ZNF517: variants seen among roughly 807,000 people sequenced by gnomAD.
ZNF517 encodes zinc finger protein 517.
A neutral mutation model predicts 12.1 loss-of-function variants in ZNF517; 12 were observed. The observed-to-expected ratio is 0.99, with a 90% CI of 0.63 to 1.61. The LOEUF (loss-of-function observed/expected upper bound fraction) is 1.61. ZNF517 is among the 40% of genes most tolerant of loss of function. ZNF517 has a pLI of 0.00. For missense variants in ZNF517, 781 were observed against 693.2 expected, an observed-to-expected ratio of 1.13 and a Z score of -1.42; for synonymous variants, 388 against 310.2, an observed-to-expected ratio of 1.25 and a Z score of -2.63.
At chr8:144,803,047 C>G (rs1364857114) in intron 2 of ZNF517, 100 bp downstream of exon 2, 1 of 1,476,880 alleles carries the variant, frequency 6.8e-7, no homozygotes. Flanking sequence ...TCACACCCAC[C>G]CACATCACAG....
chr8:144,812,470 TG>T (rs1357125666), downstream of ZNF517, among the ~76,000 whole-genome samples: 2 of 151,712 alleles, frequency 1.3e-5, no homozygotes, highest in Non-Finnish European at 2.9e-5. Flanking sequence ...AGGTGCAGAC[TG>T]CAGAATGGAA....
chr8:144,808,061 T>C lies in ZNF517; in HGVS notation c.1145T>C (p.Leu382Pro). ...VCGRPFRHNS[L>P]LLLHLRLHTG... Reference sequence around the variant, plus strand: ...GGGAGGCCGTTCCGACACAACTCCCTGCTGCTGCTGCACCTGCGCCTACAC... The same window carrying C: ...GGGAGGCCGTTCCGACACAACTCCCCGCTGCTGCTGCACCTGCGCCTACAC... The change falls in exon 5 of 5, where the codon CTG becomes CCG. Residue 382 changes from leucine to proline, a missense_variant. Transcript: ENST00000359971. 1 of 1,601,668 alleles carries C rather than the reference T, an allele frequency of 6.2e-7. No homozygotes were observed. Among genetic ancestry groups the C allele is most frequent in the Non-Finnish European group, 8.5e-7 (1 of 1,174,722 alleles).
At chr8:144,801,563 C>T (rs558967980) in intron 1 of ZNF517, among the ~76,000 whole-genome samples, 1 of 152,116 alleles carries the variant, frequency 6.6e-6, no homozygotes, top group Admixed American at 6.5e-5. Flanking sequence ...CTGCAAGCTC[C>T]GCCTCCCAGG....
chr8:144,808,044 G>C lies in ZNF517; in HGVS notation c.1128G>C (p.Pro376=). 1 of 1,601,942 alleles carries C rather than the reference G, an allele frequency of 6.2e-7. No individual in the cohort carries two copies. Among genetic ancestry groups the C allele is most frequent in the South Asian group, 1.1e-5 (1 of 89,648 alleles). ...PPHECPVCGR[P]FRHNSLLLLH... is the part of the protein sequence containing the mutation. ...ACGAGTGCCCGGTGTGCGGGAGGCC[G>C]TTCCGACACAACTCCCTGCTGCTGC... Residue 376 remains proline, a synonymous_variant, in exon 5 of 5, where the codon CCG becomes CCC. Coordinates refer to ENST00000359971, the MANE Select transcript of ZNF517 (RefSeq NM_213605.3).
intron 4 of ZNF517, 22 bp downstream of exon 4, chr8:144,804,260 G>GACAC: frequency 6.3e-7 from 1 of 1,597,390 alleles, no homozygotes; most frequent in Non-Finnish European, 8.6e-7. Context: ...GCACCCACAG[G>GACAC]GCGTGTCCTG....
In ZNF517 at chr8:144,808,087, A is replaced by C; in HGVS notation, c.1171A>C (p.Thr391Pro). The change falls in exon 5 of 5, where the codon ACG (threonine) becomes CCG (proline). Residue 391 changes from threonine (T) to proline (P), a missense_variant. Transcript: ENST00000359971. ...GCTGCTGCTGCACCTGCGCCTACAC[A>C]CGGGCGAGAAGCCGTTCGAGTGCGC... ...SLLLLHLRLH[T>P]GEKPFECAEC... 6.2e-7 allele frequency: 1 copy of C among 1,611,256 alleles called. No homozygotes were observed. The highest frequency in any genetic ancestry group is 8.5e-7 in the Non-Finnish European group (1 of 1,179,202).
intron 4 of ZNF517, among the ~76,000 whole-genome samples, chr8:144,805,901 G>A (rs1279073065): frequency 6.6e-6 from 1 of 152,138 alleles, no homozygotes; most frequent in Non-Finnish European, 1.5e-5. Flanking sequence ...TTACAGGCGT[G>A]AGCCACCACG....
At position 144,808,179 on chromosome 8, in the gene ZNF517, G is replaced by A. The variant is rs757626639; in HGVS notation, c.1263G>A (p.Glu421=). The change falls in exon 5 of 5, where the codon GAG becomes GAA. Residue 421 remains glutamate (E), a synonymous_variant. Transcript: ENST00000359971. ...LTLHQKIHTK[E]KPFACTECGK... is the part of the protein sequence containing the mutation. ...TGCACCAGAAGATCCACACCAAGGA[G>A]AAGCCCTTCGCGTGCACCGAGTGCG... is the stretch of plus-strand genomic sequence containing the variant. 6.2e-6 allele frequency: 10 copies of A among 1,609,838 alleles called. No homozygotes were observed. The South Asian group carries it at 6.6e-5, about 11-fold the overall frequency.
intron 4 of ZNF517, among the ~76,000 whole-genome samples, chr8:144,804,601 G>C (rs999218561): frequency 6.6e-6 from 1 of 152,154 alleles, no homozygotes; most frequent in Non-Finnish European, 1.5e-5. Flanking sequence ...AGAGATAGAA[G>C]AAAAGACAGC....
In ZNF517 at chr8:144,808,028, C is replaced by G; in HGVS notation, c.1112C>G (p.Pro371Arg). 4.4e-6 allele frequency: 7 copies of G among 1,593,026 alleles called. No individual in the cohort carries two copies. The highest frequency in any genetic ancestry group is 6.0e-6 in the Non-Finnish European group (7 of 1,170,064). The change falls in exon 5 of 5, where the codon CCG becomes CGG. Residue 371 changes from proline to arginine, a missense_variant. Transcript: ENST00000359971. The stretch of plus-strand genomic sequence containing the variant: ...GCGGGGGACCCGCCCCACGAGTGCC[C>G]GGTGTGCGGGAGGCCGTTCCGACAC... ...PQAGDPPHECPVCGRPFRHNS... is the reference protein window; with the variant it reads ...PQAGDPPHECRVCGRPFRHNS...
downstream of ZNF517, chr8:144,810,218 C>T: frequency 1.4e-6 from 1 of 690,920 alleles, no homozygotes; most frequent in Non-Finnish European, 2.6e-6. Context: ...GTGCTGCATC[C>T]TCTTGGCCCC....
At chr8:144,799,366 C>T (rs1236132970) in intron 1 of ZNF517, among the ~76,000 whole-genome samples, 3 of 152,200 alleles carry the variant, frequency 2.0e-5, no homozygotes, top group Admixed American at 6.5e-5. Context: ...TGCCCCCTCC[C>T]CGGGTTGGGG....
chr8:144,806,843 CAA>C (rs1344268304), intron 4 of ZNF517, among the ~76,000 whole-genome samples: 2 of 152,276 alleles, frequency 1.3e-5, no homozygotes, highest in African/African-American at 2.4e-5. Flanking sequence ...ACACGTCTAA[CAA>C]AGACTCTGTC....
chr8:144,802,705 T>TG, intron 1 of ZNF517, 165 bp from the exon 2 acceptor site: 1 of 946,678 alleles, frequency 1.1e-6, no homozygotes, highest in Non-Finnish European at 1.3e-6. Flanking sequence ...GGTGTTCCCA[T>TG]GGAGAAGCTT....
At position 144,808,555 on chromosome 8, in the gene ZNF517, GGGGAGGGAAAGGGCACCA is replaced by G; in HGVS notation, c.*163_*180del. ...CGGCTTCTTGCTCCAGCCGGGCACT[GGGGAGGGAAAGGGCACCA>G]GGCAGCCCGTGGTGTGGCCTCAGGA... On this transcript the variant is annotated 3_prime_UTR_variant, in exon 5 of 5. Transcript: ENST00000359971. 1 of 1,116,538 alleles carries G rather than the reference GGGGAGGGAAAGGGCACCA, an allele frequency of 9.0e-7. No homozygotes were observed. The highest frequency in any genetic ancestry group is 1.2e-6 in the Non-Finnish European group (1 of 863,294). The allele number at this position is 1,116,538 out of a possible 1,614,324, so 69.2% of individuals were successfully genotyped here.
chr8:144,805,990 C>T (rs908214227), intron 4 of ZNF517, among the ~76,000 whole-genome samples: 1 of 150,074 alleles, frequency 6.7e-6, no homozygotes, highest in Non-Finnish European at 1.5e-5. Flanking sequence ...ATTCATATAT[C>T]ATCATATCTA....
intron 1 of ZNF517, among the ~76,000 whole-genome samples, chr8:144,799,751 T>C (rs1826855708): frequency 6.6e-6 from 1 of 152,080 alleles, no homozygotes; most frequent in Admixed American, 6.5e-5. Context: ...CCATCCTGGC[T>C]AACACGGTGA....
Position 144,807,708 on chromosome 8 carries a change from C to T in ZNF517, c.792C>T (p.Gly264=). ...CCCGCGAGCGGCCCTACGCATGCGG[C>T]GAGTGCGGCAAGGCCTTCAGCCGCA... ...VHTRERPYAC[G]ECGKAFSRSS... The change falls in exon 5 of 5, where the codon GGC becomes GGT. Residue 264 remains glycine (G), a synonymous_variant. Coordinates refer to ENST00000359971, the MANE Select transcript of ZNF517 (RefSeq NM_213605.3). The T allele has an allele frequency of 3.7e-6, 6 of 1,611,294 alleles. No homozygotes were observed. Among genetic ancestry groups the T allele is most frequent in the South Asian group, 1.1e-5 (1 of 90,962 alleles).
At chr8:144,803,869 G>A in intron 3 of ZNF517, 102 bp downstream of exon 3, 14 of 1,498,086 alleles carry the variant, frequency 9.3e-6, no homozygotes, top group Non-Finnish European at 1.3e-5. Flanking sequence ...ACATTTTTGA[G>A]GGGAAGCTGG....
Sources: gnomAD v4.1 joint callset for allele counts (sites outside exome capture counted in the v4.1 genomes callset) on GRCh38, gnomAD v4.1.1 for gene constraint, MANE v1.5 for transcripts, NCBI Gene and HGNC (gene_info 2026-07-23, HGNC 2026-07-21) for gene names.